The following PIWIL1 variants were observed in gnomAD, a reference collection of about 807,000 sequenced individuals.
PIWIL1 encodes the protein piwi-like protein 1.
In PIWIL1, 73 loss-of-function variants were observed where a neutral mutation model predicts 114.4. The ratio of observed to expected loss-of-function variants is 0.64; its 90% CI spans 0.53 to 0.78. PIWIL1 has a LOEUF of 0.78. PIWIL1 is among the 30% of genes least tolerant of loss of function. The pLI, the probability that PIWIL1 is intolerant of heterozygous loss-of-function variation, is 0.00. For synonymous variants in PIWIL1, 375 were observed against 369.0 expected (o/e 1.02, Z -0.19); for missense variants, 723 against 1,063.1 (o/e 0.68, Z 4.45).
At chr12:130,364,036 G>A (rs778305955) in intron 18 of PIWIL1, among the ~76,000 whole-genome samples, 8 of 152,104 alleles carry the variant, frequency 5.3e-5, no homozygotes, top group East Asian at 3.9e-4. Flanking sequence ...AGACATTTCC[G>A]TCAGTGCCAT....
the PIWIL1 span, among the ~76,000 whole-genome samples, chr12:130,410,435 C>T: frequency 3.3e-5 from 5 of 152,192 alleles, no homozygotes; most frequent in East Asian, 7.7e-4. Flanking sequence ...TCAAAGAAAT[C>T]GTTGCCTGAT....
At chr12:130,358,899 CGTT>C (rs1565950649) in intron 14 of PIWIL1, among the ~76,000 whole-genome samples, 3 of 152,136 alleles carry the variant, frequency 2.0e-5, no homozygotes, top group African/African-American at 7.2e-5. Context: ...TATGGCCTGT[CGTT>C]GTTCACCATG....
chr12:130,413,927 G>A, the PIWIL1 span, among the ~76,000 whole-genome samples: 1 of 152,172 alleles, frequency 6.6e-6, no homozygotes, highest in Non-Finnish European at 1.5e-5. Flanking sequence ...CACACAAACC[G>A]GGCAGATGCT....
chr12:130,403,382 C>T, the PIWIL1 span, among the ~76,000 whole-genome samples: 6 of 152,104 alleles, frequency 3.9e-5, no homozygotes, highest in Non-Finnish European at 8.8e-5. Flanking sequence ...GAAGACTATT[C>T]AAGAAACTAA....
At chr12:130,362,097 C>G (rs900967192) in intron 16 of PIWIL1, among the ~76,000 whole-genome samples, 2 of 152,132 alleles carry the variant, frequency 1.3e-5, no homozygotes, top group Admixed American at 1.3e-4. Flanking sequence ...CTTTTAGTTT[C>G]AGGAGTGCAT....
the PIWIL1 span, among the ~76,000 whole-genome samples, chr12:130,415,048 T>A: frequency 6.6e-6 from 1 of 152,164 alleles, no homozygotes; most frequent in Non-Finnish European, 1.5e-5. Flanking sequence ...CCCTAACTCA[T>A]TCTATGAAGC....
At chr12:130,412,598 C>A in the PIWIL1 span, 1 of 1,607,250 alleles carries the variant, frequency 6.2e-7, no homozygotes, top group South Asian at 1.1e-5. Context: ...CAGGGAAGGT[C>A]GAATAGGGGT....
In PIWIL1 at chr12:130,354,678, C is replaced by T; in HGVS notation, c.1171+15C>T. 6.4e-7 allele frequency: 1 copy of T among 1,556,602 alleles called. No homozygotes were observed. The highest frequency in any genetic ancestry group is 1.2e-5 in the South Asian group (1 of 82,268). ...CTATCTTACAGGTACTGTTGCATTT[C>T]ATTTACTCGGAAGGAAGCCACTGGA... On this transcript the variant is annotated intron_variant, in intron 10 of 20. Coordinates refer to ENST00000245255, the MANE Select transcript of PIWIL1 (RefSeq NM_004764.5).
chr12:130,361,084 A>C lies in PIWIL1; in HGVS notation c.1666-96A>C. ...TAAAATAAATGATCATGTTCTTGAC[A>C]TTGATACTTCACAGGTGAGTTTAGT... On this transcript the variant is annotated intron_variant, in intron 14 of 20. Coordinates refer to ENST00000245255, the MANE Select transcript of PIWIL1 (RefSeq NM_004764.5). 5.1e-6 allele frequency: 5 copies of C among 977,554 alleles called. No homozygotes were observed. In the South Asian group the frequency reaches 7.8e-5, roughly 15 times the overall value. 60.6% of individuals were successfully genotyped at this position (977,554 alleles called of 1,614,324 possible).
At chr12:130,399,610 C>CAAAG in the PIWIL1 span, 5 of 1,547,594 alleles carry the variant, frequency 3.2e-6, no homozygotes, top group African/African-American at 2.7e-5. Context: ...AATATCAGTG[C>CAAAG]AAAGATTGTA....
At chr12:130,409,028 G>A in the PIWIL1 span, among the ~76,000 whole-genome samples, 7 of 152,312 alleles carry the variant, frequency 4.6e-5, no homozygotes, top group African/African-American at 1.4e-4. Flanking sequence ...CCAGAGGTTC[G>A]TGTTTCTCAG....
chr12:130,424,146 G>A, the PIWIL1 span: 2 of 1,229,200 alleles, frequency 1.6e-6, no homozygotes, highest in East Asian at 3.2e-5. This position sits in a 1 kb window ranked among gnomAD's most constrained non-coding sequence, Gnocchi z 9.8. Flanking sequence ...ACACACCAGG[G>A]GGCCTTGTGC....
At position 130,361,579 on chromosome 12, in the gene PIWIL1, A is replaced by G; in HGVS notation, c.1948A>G (p.Ser650Gly). Residue 650 changes from serine to glycine, a missense_variant, in exon 16 of 21, where the codon AGC becomes GGC. Physicochemically the swap from Ser to Gly is moderately conservative, Grantham distance 56. Coordinates refer to ENST00000245255, the MANE Select transcript of PIWIL1 (RefSeq NM_004764.5). ...GAGGTCAATCGCAGGATTTGTTGCC[A>G]GCATCAATGAAGGGATGACCCGGTG... Reference protein sequence around the residue: ...GRRSIAGFVASINEGMTRWFS... With the variant: ...GRRSIAGFVAGINEGMTRWFS... The G allele has an allele frequency of 6.2e-7, 1 of 1,614,186 alleles. No homozygotes were observed. The highest frequency in any genetic ancestry group is 8.5e-7 in the Non-Finnish European group (1 of 1,180,010).
At chr12:130,340,975 G>A (rs1272773113) in intron 1 of PIWIL1, among the ~76,000 whole-genome samples, 1 of 152,124 alleles carries the variant, frequency 6.6e-6, no homozygotes, top group Non-Finnish European at 1.5e-5. Flanking sequence ...GGAAGTCGGA[G>A]GTTTTTAAAA....
chr12:130,422,336 C>T, the PIWIL1 span: 4 of 610,446 alleles, frequency 6.6e-6, no homozygotes, highest in African/African-American at 7.5e-5. This position sits in a 1 kb window ranked among gnomAD's most constrained non-coding sequence, Gnocchi z 5.2. Flanking sequence ...CCATGAATAA[C>T]AGTGTTCTTT....
intron 4 of PIWIL1, 91 bp from the exon 5 acceptor site, chr12:130,346,279 A>T: frequency 1.1e-6 from 1 of 938,776 alleles, no homozygotes; most frequent in Non-Finnish European, 1.6e-6. Context: ...CCTTGTGTTT[A>T]CGGAACTGTG....
chr12:130,354,666 A>C lies in PIWIL1; in HGVS notation c.1171+3A>C. ...TCCTGAGCTCTGCTATCTTACAGGT[A>C]CTGTTGCATTTCATTTACTCGGAAG... On this transcript the variant is annotated splice_donor_region_variant and intron_variant, in intron 10 of 20. Transcript: ENST00000245255. 6.4e-7 allele frequency: 1 copy of C among 1,567,982 alleles called. No individual in the cohort carries two copies. The highest frequency in any genetic ancestry group is 8.6e-7 in the Non-Finnish European group (1 of 1,160,522).
At chr12:130,417,063 A>G in the PIWIL1 span, among the ~76,000 whole-genome samples, 1 of 152,220 alleles carries the variant, frequency 6.6e-6, no homozygotes, top group African/African-American at 2.4e-5. Flanking sequence ...ACCAGTCAGA[A>G]TGACGATTAA....
intron 18 of PIWIL1, among the ~76,000 whole-genome samples, chr12:130,363,569 C>T (rs900458059): frequency 6.1e-5 from 9 of 147,528 alleles, no homozygotes; most frequent in Non-Finnish European, 1.0e-4. Context: ...GGTGATTTGG[C>T]GAGCATCTAG....
Sources: allele counts gnomAD v4.1 joint callset (sites outside exome capture counted in the v4.1 genomes callset), GRCh38; gene constraint gnomAD v4.1.1; non-coding constraint Gnocchi (gnomAD v3.1); transcripts MANE v1.5; gene names NCBI Gene and HGNC (gene_info 2026-07-23, HGNC 2026-07-21).